EML5: variants seen among roughly 807,000 people sequenced by gnomAD.
EML5 encodes the protein echinoderm microtubule-associated protein-like 5.
Under a neutral mutation model 250.0 loss-of-function variants are expected in EML5, and 120 were observed. The observed-to-expected ratio is 0.48, with a 90% CI of 0.41 to 0.56. The LOEUF (loss-of-function observed/expected upper bound fraction) is 0.56. Ranked by LOEUF, EML5 falls within the 20% of genes least tolerant of loss-of-function variation. The pLI is 0.00. For missense variants in EML5, 2,006 were observed against 2,437.6 expected (o/e 0.82, Z 3.73); for synonymous variants, 771 against 806.5 (o/e 0.96, Z 0.75).
chr14:88,714,403 C>T (rs1321591924), intron 9 of EML5, among the ~76,000 whole-genome samples: 5 of 151,804 alleles, frequency 3.3e-5, no homozygotes, highest in African/African-American at 4.8e-5. Context: ...TGGTGGGGGC[C>T]GGGGTGGATA....
At chr14:88,680,998 G>C (rs1268425337) in intron 21 of EML5, among the ~76,000 whole-genome samples, 1 of 152,146 alleles carries the variant, frequency 6.6e-6, no homozygotes, top group Admixed American at 6.5e-5. Context: ...GAGACAATTA[G>C]ATTTTATATT....
At chr14:88,685,616 T>C (rs1002426325) in intron 19 of EML5, among the ~76,000 whole-genome samples, 3 of 151,938 alleles carry the variant, frequency 2.0e-5, no homozygotes, top group Middle Eastern at 3.2e-3. Context: ...CATCATTCCA[T>C]ATATTTTTTT....
At chr14:88,639,802 A>G (rs1167158725) in intron 31 of EML5, among the ~76,000 whole-genome samples, 1 of 152,118 alleles carries the variant, frequency 6.6e-6, no homozygotes, top group Non-Finnish European at 1.5e-5. Context: ...GCTGGTCTCA[A>G]ACTCCTGGCC....
At chr14:88,748,964 T>C (rs2094049441) in intron 2 of EML5, among the ~76,000 whole-genome samples, 1 of 150,638 alleles carries the variant, frequency 6.6e-6, no homozygotes, top group Non-Finnish European at 1.5e-5. Flanking sequence ...ATACAGGTAA[T>C]CATGGCTCTA....
intron 28 of EML5, among the ~76,000 whole-genome samples, chr14:88,649,234 T>C (rs2091504110): frequency 6.6e-6 from 1 of 152,082 alleles, no homozygotes; most frequent in African/African-American, 2.4e-5. Flanking sequence ...CAGGGTCTCA[T>C]CATGTTGTCT....
At chr14:88,743,625 G>C (rs2093959450) in intron 4 of EML5, among the ~76,000 whole-genome samples, 1 of 152,108 alleles carries the variant, frequency 6.6e-6, no homozygotes, top group Non-Finnish European at 1.5e-5. Flanking sequence ...AGGTTAAACA[G>C]CTAATAAATG....
intron 33 of EML5, 33 bp downstream of exon 33, chr14:88,634,436 T>C (rs1440054133): frequency 2.1e-6 from 3 of 1,429,870 alleles, no homozygotes; most frequent in African/African-American, 2.9e-5. Flanking sequence ...CCAAACAATA[T>C]AAATAAAGCA....
chr14:88,615,869 G>A lies in EML5; in HGVS notation c.5898-15C>T. The A allele has an allele frequency of 6.2e-7, 1 of 1,608,684 alleles. No individual in the cohort carries two copies. On this transcript the variant is annotated splice_polypyrimidine_tract_variant and intron_variant, in intron 43 of 43. Transcript: ENST00000554922. ...AGACAAATAAGCTGCAATCAGAGAA[G>A]AAAATTGCAGGGAGTTAATTATGTT...
rs1567051543 is a variant in EML5 at position 88,642,952 on chromosome 14, T to A, written c.4178A>T (p.Asp1393Val). The A allele has an allele frequency of 6.2e-7, 1 of 1,606,270 alleles. No individual in the cohort carries two copies. The highest frequency in any genetic ancestry group is 1.3e-5 in the African/African-American group (1 of 74,644). ...DCRNNVHYLN[D>V]GDDIIYHTAS... The stretch of plus-strand genomic sequence containing the variant: ...AGTGTGATAAATTATATCATCACCA[T>A]CATTTAAATAGTGAACATTATTCCT... The change falls in exon 31 of 44, where the codon GAT (aspartate) becomes GTT (valine). Residue 1393 changes from aspartate (D) to valine (V), a missense_variant. Physicochemically the swap from Asp to Val is radical, Grantham distance 152. Around this residue, in one of 7 missense-constraint regions of EML5, gnomAD observed 1,375 missense variants for 1,590.3 expected, o/e 0.86. Transcript: ENST00000554922.
intron 21 of EML5, among the ~76,000 whole-genome samples, chr14:88,679,467 G>A (rs866022254): frequency 1.1e-4 from 16 of 152,032 alleles, no homozygotes; most frequent in Middle Eastern, 3.4e-3. Context: ...CAAGGTGGGC[G>A]GATCACTTGA....
intron 30 of EML5, among the ~76,000 whole-genome samples, chr14:88,644,049 A>G (rs772979136): frequency 6.6e-6 from 1 of 152,184 alleles, no homozygotes; most frequent in African/African-American, 2.4e-5. Flanking sequence ...TACAGTGAAT[A>G]TATCGCACAG....
intron 17 of EML5, among the ~76,000 whole-genome samples, chr14:88,691,767 T>C (rs1465210919): frequency 6.6e-6 from 1 of 152,208 alleles, no homozygotes; most frequent in Non-Finnish European, 1.5e-5. Context: ...AAGTGGATAC[T>C]TATTTCCCAA....
chr14:88,782,192 G>T lies in EML5; in HGVS notation c.197+10115C>A, dbSNP rs2094504129. Among the ~76,000 whole-genome samples the T allele has an allele frequency of 4.6e-5, 7 of 152,306 alleles. No homozygotes were observed. The South Asian group carries it at 1.5e-3, about 32-fold the overall frequency. On this transcript the variant is annotated intron_variant, in intron 1 of 43. Transcript: ENST00000554922. ...GGAGAAGAGAAACTTGTTGGGAACTGGAGTAAAGATCAATCTTACTATGCA... is the reference window on the plus strand; with the variant it reads ...GGAGAAGAGAAACTTGTTGGGAACTTGAGTAAAGATCAATCTTACTATGCA...
At chr14:88,740,310 A>G (rs551227554) in intron 5 of EML5, 77 bp downstream of exon 5, 7 of 1,234,850 alleles carry the variant, frequency 5.7e-6, no homozygotes, top group Middle Eastern at 2.0e-4. Context: ...ACAATATACT[A>G]TATTACGCAG....
In EML5 at chr14:88,663,590, A is replaced by T. The variant is rs187927215; in HGVS notation, c.3410-471T>A. On this transcript the variant is annotated intron_variant, in intron 23 of 43. Coordinates refer to ENST00000554922, the MANE Select transcript of EML5 (RefSeq NM_183387.3). ...ATTCTGCTAAAATACAAACATACTC[A>T]TTAAGTTCTTTATGTTATATGATTA... 2.0e-4 allele frequency among the ~76,000 whole-genome samples: 30 copies of T among 152,298 alleles called. No homozygotes were observed. In the East Asian group the frequency reaches 5.6e-3, roughly 28 times the overall value.
chr14:88,677,227 T>C (rs1025971402), intron 21 of EML5, among the ~76,000 whole-genome samples: 45 of 152,248 alleles, frequency 3.0e-4, no homozygotes, highest in African/African-American at 9.6e-4. Flanking sequence ...TAATAAATGA[T>C]GCTGGGAAAA....
intron 33 of EML5, among the ~76,000 whole-genome samples, chr14:88,633,097 G>A (rs1194667830): frequency 6.6e-6 from 1 of 152,044 alleles, no homozygotes; most frequent in Non-Finnish European, 1.5e-5. Flanking sequence ...GGGAAGTCTT[G>A]GGACCCCTGA....
chr14:88,730,097 A>G (rs1237574671), intron 7 of EML5, among the ~76,000 whole-genome samples: 1 of 152,086 alleles, frequency 6.6e-6, no homozygotes, highest in African/African-American at 2.4e-5. Flanking sequence ...TTTGTTTACC[A>G]ATGTATATAT....
At chr14:88,771,986 A>G (rs2094397822) in intron 1 of EML5, among the ~76,000 whole-genome samples, 1 of 152,182 alleles carries the variant, frequency 6.6e-6, no homozygotes, top group Non-Finnish European at 1.5e-5. Flanking sequence ...GATAACTCCC[A>G]ACCCTGTATC....
Sources: allele counts gnomAD v4.1 joint callset (sites outside exome capture counted in the v4.1 genomes callset), GRCh38; gene constraint gnomAD v4.1.1; regional missense constraint gnomAD v4.1.1; transcripts MANE v1.5; gene names NCBI Gene and HGNC (gene_info 2026-07-23, HGNC 2026-07-21).